The following CPNE7 variants were observed in gnomAD, a reference collection of about 807,000 sequenced individuals.
The protein encoded by CPNE7 is copine 7.
In CPNE7, 78 loss-of-function variants were observed where a neutral mutation model predicts 66.5. The ratio of observed to expected loss-of-function variants is 1.17; its 90% CI spans 0.98 to 1.42. CPNE7 has a LOEUF of 1.42. CPNE7 is among the 40% of genes most tolerant of loss of function. The pLI, the probability that CPNE7 is intolerant of heterozygous loss-of-function variation, is 0.00. For missense variants in CPNE7, 1,012 were observed against 776.6 expected, an observed-to-expected ratio of 1.30 and a Z score of -3.60; for synonymous variants, 468 against 336.7, an observed-to-expected ratio of 1.39 and a Z score of -4.27.
At chr16:89,589,769 C>A (rs2059141226) in intron 10 of CPNE7, 128 bp from the exon 11 acceptor site, 4 of 940,202 alleles carry the variant, frequency 4.3e-6, no homozygotes, top group South Asian at 3.1e-5. Flanking sequence ...CTGGCAGGTG[C>A]TTACTGCCGT....
chr16:89,583,383 A>C (rs2058984559), intron 2 of CPNE7: 3 of 1,490,770 alleles, frequency 2.0e-6, no homozygotes, highest in Admixed American at 3.9e-5. Context: ...GGTGCAGGCC[A>C]GCTGGGCTGT....
In CPNE7 at chr16:89,583,787, A is replaced by G. The variant is rs748259218; in HGVS notation, c.432+16A>G. Reference sequence around the variant, plus strand: ...CACCATCACGGTGAGACCCGGGCGCACCCCTGCAGCCTGCAGGCCCTGCTG... The same window carrying G: ...CACCATCACGGTGAGACCCGGGCGCGCCCCTGCAGCCTGCAGGCCCTGCTG... On this transcript the variant is annotated intron_variant, in intron 3 of 14. Coordinates refer to ENST00000319518, the MANE Select transcript of CPNE7 (RefSeq NM_153636.3). 6.2e-7 allele frequency: 1 copy of G among 1,610,886 alleles called. No homozygotes were observed. Among genetic ancestry groups the G allele is most frequent in the South Asian group, 1.1e-5 (1 of 91,012 alleles).
chr16:89,595,652 T>C, intron 14 of CPNE7, 49 bp downstream of exon 14: 1 of 1,504,372 alleles, frequency 6.6e-7, no homozygotes, highest in Non-Finnish European at 9.2e-7. Context: ...GGGTCCCTGT[T>C]CATGTCACTG....
chr16:89,590,032 G>T, intron 11 of CPNE7, 81 bp downstream of exon 11: 1 of 1,491,298 alleles, frequency 6.7e-7, no homozygotes, highest in South Asian at 1.2e-5. Flanking sequence ...GGCCCAGGGA[G>T]CCCTGGCTGC....
At chr16:89,576,144 G>A (rs935742155) in intron 1 of CPNE7, 73 bp downstream of exon 1, 9 of 1,203,016 alleles carry the variant, frequency 7.5e-6, no homozygotes, top group Non-Finnish European at 9.4e-6. Flanking sequence ...GCGGAGACCA[G>A]AGCGGGCGCG....
rs538218877 is a variant in CPNE7, at chr16:89,584,397, C to T, written c.507+295C>T. On this transcript the variant is annotated intron_variant, in intron 4 of 14. Coordinates refer to ENST00000319518, the MANE Select transcript of CPNE7 (RefSeq NM_153636.3). This position sits in a 1 kb window ranked among gnomAD's most constrained non-coding sequence, Gnocchi z 6.0. ...GGCCCAGCACCCCCGAGGCCACTGT[C>T]GTGACAGGAGGAACTGGAACAGCGC... 2.4e-4 allele frequency among the ~76,000 whole-genome samples: 36 copies of T among 152,362 alleles called. No homozygotes were observed. Among genetic ancestry groups the T allele is most frequent in the Admixed American group, 7.2e-4 (11 of 15,312 alleles).
chr16:89,588,858 C>G (rs774138279), intron 10 of CPNE7, 50 bp downstream of exon 10: 2 of 1,603,362 alleles, frequency 1.2e-6, no homozygotes, highest in African/African-American at 1.3e-5. Flanking sequence ...TCAGCTATGA[C>G]AGGTGCGCCT....
In CPNE7 at chr16:89,585,450, C is replaced by T. The variant is rs560784432; in HGVS notation, c.592-14C>T. 3 of 1,603,488 alleles carry T rather than the reference C, an allele frequency of 1.9e-6. No homozygotes were observed. The highest frequency in any genetic ancestry group is 1.3e-5 in the African/African-American group (1 of 74,738). On this transcript the variant is annotated splice_polypyrimidine_tract_variant and intron_variant, in intron 5 of 14. Transcript: ENST00000319518. ...CCCTGGGCCTCCCCTGAGCCAGCCC[C>T]TCCCGGCCCACAGGTGGTGAAGAAC... is the stretch of plus-strand genomic sequence containing the variant.
chr16:89,590,905 G>A, intron 11 of CPNE7, 102 bp from the exon 12 acceptor site: 1 of 1,211,990 alleles, frequency 8.3e-7, no homozygotes, highest in South Asian at 1.3e-5. Flanking sequence ...CTGACTGGGG[G>A]ACATGGGGGC....
chr16:89,576,794 G>A (rs914867249), intron 1 of CPNE7, among the ~76,000 whole-genome samples: 1 of 152,170 alleles, frequency 6.6e-6, no homozygotes, highest in Admixed American at 6.5e-5. Flanking sequence ...GCGGCTGCTC[G>A]GGCGGTGGAA....
intron 2 of CPNE7, among the ~76,000 whole-genome samples, chr16:89,583,123 T>G (rs968296751): frequency 6.6e-6 from 1 of 152,216 alleles, no homozygotes; most frequent in Non-Finnish European, 1.5e-5. Flanking sequence ...CCCCAGGGTC[T>G]AAGCCCCAGT....
chr16:89,587,507 G>A (rs1392703390), intron 9 of CPNE7: 15 of 451,442 alleles, frequency 3.3e-5, no homozygotes, highest in Non-Finnish European at 4.9e-5. Flanking sequence ...GCCCGCCTTG[G>A]GAGGTGACAT....
chr16:89,592,204 CGG>C (rs2059184600), intron 13 of CPNE7, among the ~76,000 whole-genome samples: 1 of 147,682 alleles, frequency 6.8e-6, no homozygotes, highest in African/African-American at 2.5e-5. Context: ...TTAGTAGAGA[CGG>C]GGTTTCACCG....
rs144130257 is a variant in CPNE7, at chr16:89,586,738, C to T, written c.849C>T (p.Val283=). ...GCAGTTATAAGAACTCAGGAGTGGT[C>T]GTCCTGGCTGACCTCAAGGTGAGAG... ...KRRSYKNSGV[V]VLADLKFHRV... is the part of the protein sequence containing the mutation. Residue 283 remains valine (V), a synonymous_variant, in exon 8 of 15, where the codon GTC becomes GTT. Coordinates refer to ENST00000319518, the MANE Select transcript of CPNE7 (RefSeq NM_153636.3). 1.7e-4 allele frequency: 277 copies of T among 1,612,628 alleles called. 1 individual carries two copies. The highest frequency in any genetic ancestry group is 1.2e-3 in the Middle Eastern group (7 of 6,078).
Position 89,591,217 on chromosome 16 carries a change from T to C in CPNE7, c.1259T>C (p.Val420Ala), listed in dbSNP as rs1461752676. Reference sequence around the variant, plus strand: ...AACGTGGCGCCCATCATCTCCAAGGTGGCACGCGTGGCGGCGGCCGAGGAG... The same window carrying C: ...AACGTGGCGCCCATCATCTCCAAGGCGGCACGCGTGGCGGCGGCCGAGGAG... ...PTNVAPIISKVARVAAAEEST... is the reference protein window; with the variant it reads ...PTNVAPIISKAARVAAAEEST... Residue 420 changes from valine to alanine, a missense_variant, in exon 13 of 15, where the codon GTG (valine) becomes GCG (alanine). Physicochemically the swap from Val to Ala is moderately conservative, Grantham distance 64. Transcript: ENST00000319518. 2.5e-6 allele frequency: 4 copies of C among 1,590,336 alleles called. No homozygotes were observed. The highest frequency in any genetic ancestry group is 2.3e-5 in the East Asian group (1 of 43,934).
intron 1 of CPNE7, among the ~76,000 whole-genome samples, chr16:89,576,839 C>T (rs1078587): frequency 0.13 from 20,170 of 152,160 alleles, 1,530 homozygotes; most frequent in Non-Finnish European, 0.17. Context: ...TCCGGTCATC[C>T]ACCTTGAGGG....
chr16:89,589,661 C>T (rs556685268), intron 10 of CPNE7, among the ~76,000 whole-genome samples: 1 of 152,154 alleles, frequency 6.6e-6, no homozygotes, highest in South Asian at 2.1e-4. Flanking sequence ...AGCATGTACA[C>T]AAACGTGGAG....
Position 89,596,918 on chromosome 16 carries a change from G to A in CPNE7, c.*297G>A. ...TGGGAGTTCATCCACGGGAGACCCT[G>A]CCCCGATGAGAAGGGGCAGGGACTG... On this transcript the variant is annotated 3_prime_UTR_variant, in exon 15 of 15. Coordinates refer to ENST00000319518, the MANE Select transcript of CPNE7 (RefSeq NM_153636.3). 3.3e-6 allele frequency: 1 copy of A among 305,332 alleles called. No individual in the cohort carries two copies. The highest frequency in any genetic ancestry group is 5.9e-5 in the East Asian group (1 of 17,082). The allele number at this position is 305,332 out of a possible 1,614,324, so 18.9% of individuals were successfully genotyped here. A position where few individuals can be genotyped will look rare whatever the true frequency, so the allele number is the denominator to read the frequency against.
chr16:89,578,906 T>G, intron 2 of CPNE7: 1 of 1,611,578 alleles, frequency 6.2e-7, no homozygotes, highest in East Asian at 2.2e-5. Flanking sequence ...TCTGTTGATG[T>G]GCTGGGCCCT....
Sources: gnomAD v4.1 joint callset for allele counts (sites outside exome capture counted in the v4.1 genomes callset) on GRCh38, gnomAD v4.1.1 for gene constraint, Gnocchi (gnomAD v3.1) non-coding constraint, MANE v1.5 for transcripts, NCBI Gene and HGNC (gene_info 2026-07-23, HGNC 2026-07-21) for gene names.